The following TCF15 variants were observed in gnomAD, a reference collection of about 807,000 sequenced individuals.
The protein encoded by TCF15 is TCF-15.
In TCF15, 7 loss-of-function variants were observed where a neutral mutation model predicts 11.1. The ratio of observed to expected loss-of-function variants is 0.63; its 90% CI spans 0.36 to 1.19. TCF15 has a LOEUF of 1.19. Ranked by LOEUF, TCF15 falls within the 50% of genes most tolerant of loss-of-function variation. The probability of loss-of-function intolerance (pLI) is 0.02; values close to 1 mark genes in which losing one functional copy is unlikely to be tolerated. For synonymous variants in TCF15, 144 were observed against 138.9 expected (o/e 1.04, Z -0.26); for missense variants, 288 against 289.4 (o/e 1.00, Z 0.03).
rs1364944060 is a variant in TCF15 at position 610,279 on chromosome 20, G to T, written c.-42C>A. The T allele has an allele frequency of 4.0e-6, 4 of 987,776 alleles. No individual in the cohort carries two copies. The African/African-American group carries it at 5.3e-5, about 13-fold the overall frequency. The allele number at this position is 987,776 out of a possible 1,614,324, so 61.2% of individuals were successfully genotyped here. On this transcript the variant is annotated 5_prime_UTR_variant, in exon 1 of 2. Transcript: ENST00000246080. ...CCTCCGTGCGCCGCGTCCCAGCGTC[G>T]GCCGCGCCCCGCCGTGCGCTCCCGC...
rs900481923 is a variant in TCF15, at chr20:609,935, G to A, written c.303C>T (p.Thr101=). The change falls in exon 1 of 2, where the codon ACC becomes ACT. Residue 101 remains threonine, a synonymous_variant. Transcript: ENST00000246080. The surrounding 1 kb of genome is among the most constrained non-coding windows in gnomAD (Gnocchi z 4.7). ...AFTALRTLIP[T]EPVDRKLSKI... ...TGGACAGCTTGCGGTCCACCGGCTC[G>A]GTGGGGATGAGCGTGCGCAGCGCCG... 1.1e-5 allele frequency: 16 copies of A among 1,512,264 alleles called. No homozygotes were observed. The highest frequency in any genetic ancestry group is 1.4e-5 in the Non-Finnish European group (16 of 1,139,438). 93.7% of individuals were successfully genotyped at this position (1,512,264 alleles called of 1,614,324 possible).
At chr20:608,638 C>T (rs759134741) in intron 1 of TCF15, among the ~76,000 whole-genome samples, 13 of 152,190 alleles carry the variant, frequency 8.5e-5, no homozygotes, top group Non-Finnish European at 1.3e-4. Context: ...CAGAGGCCTC[C>T]GCAGAACAGG....
At position 609,991 on chromosome 20, in the gene TCF15, C is replaced by T; in HGVS notation, c.247G>A (p.Asp83Asn). Reference sequence around the variant, plus strand: ...GCCGTGTTCACGCTCTGAGTGCGGTCCCGCTCCCGCGCGTTGGCCGCCTGC... The same window carrying T: ...GCCGTGTTCACGCTCTGAGTGCGGTTCCGCTCCCGCGCGTTGGCCGCCTGC... ...QRQAANARER[D>N]RTQSVNTAFT... The change falls in exon 1 of 2, where the codon GAC (aspartate) becomes AAC (asparagine). Residue 83 changes from aspartate to asparagine, a missense_variant. Transcript: ENST00000246080. This position sits in a 1 kb window ranked among gnomAD's most constrained non-coding sequence, Gnocchi z 4.7. The T allele has an allele frequency of 7.3e-7, 1 of 1,369,346 alleles. No homozygotes were observed. The highest frequency in any genetic ancestry group is 9.4e-7 in the Non-Finnish European group (1 of 1,058,942). The allele number at this position is 1,369,346 out of a possible 1,614,324, so 84.8% of individuals were successfully genotyped here.
intron 1 of TCF15, among the ~76,000 whole-genome samples, chr20:606,481 G>A (rs180863891): frequency 2.8e-4 from 42 of 152,220 alleles, no homozygotes; most frequent in East Asian, 2.7e-3. Flanking sequence ...AGGTGCAGTC[G>A]AATGTGAATG....
rs1684400375 is a variant in TCF15 at position 610,216 on chromosome 20, G to A, written c.22C>T (p.Pro8Ser). 3.9e-6 allele frequency: 4 copies of A among 1,023,018 alleles called. No individual in the cohort carries two copies. The highest frequency in any genetic ancestry group is 3.5e-5 in the African/African-American group (2 of 57,380). The allele number at this position is 1,023,018 out of a possible 1,614,324, so 63.4% of individuals were successfully genotyped here. A position where few individuals can be genotyped will look rare whatever the true frequency, so the allele number is the denominator to read the frequency against. MAFALLR[P>S]VGAHVLYPDV... is the part of the protein sequence containing the mutation. ...GGGTACAGCACGTGCGCGCCGACGG[G>A]CCGCAGCAGCGCGAACGCCATGGGC... The change falls in exon 1 of 2, where the codon CCC becomes TCC. Residue 8 changes from proline to serine, a missense_variant. By Grantham distance (74) the Pro-to-Ser change is moderately conservative (BLOSUM62 -1). Transcript: ENST00000246080.
At chr20:608,681 C>G (rs752405384) in intron 1 of TCF15, among the ~76,000 whole-genome samples, 7 of 152,348 alleles carry the variant, frequency 4.6e-5, no homozygotes, top group Admixed American at 1.3e-4. Context: ...GCTGTGAGAA[C>G]CAAACAGCAG....
Position 609,072 on chromosome 20 carries a change from C to T in TCF15, c.525+641G>A, listed in dbSNP as rs1461509384. Among the ~76,000 whole-genome samples the T allele has an allele frequency of 1.3e-5, 2 of 152,128 alleles. No homozygotes were observed. The highest frequency in any genetic ancestry group is 2.9e-5 in the Non-Finnish European group (2 of 68,022). On this transcript the variant is annotated intron_variant, in intron 1 of 1. Coordinates refer to ENST00000246080, the MANE Select transcript of TCF15 (RefSeq NM_004609.4). The surrounding 1 kb of genome is among the most constrained non-coding windows in gnomAD (Gnocchi z 4.7). Reference sequence around the variant, plus strand: ...GGGGGCTGGGGACTCTCAGAGGGCCCCTTCTTCACTCCTACTGCTCATCCG... The same window carrying T: ...GGGGGCTGGGGACTCTCAGAGGGCCTCTTCTTCACTCCTACTGCTCATCCG...
rs1357126667 is a variant in TCF15, at chr20:609,875, G to A, written c.363C>T (p.Ile121=). The change falls in exon 1 of 2, where the codon ATC becomes ATT. Residue 121 remains isoleucine, a synonymous_variant. Coordinates refer to ENST00000246080, the MANE Select transcript of TCF15 (RefSeq NM_004609.4). This position sits in a 1 kb window ranked among gnomAD's most constrained non-coding sequence, Gnocchi z 4.7. ...GCAGCAGCACGTTGGCCAGGTGCGC[G>A]ATGTAGCTGGACGCCAGGCGCACGG... is the stretch of plus-strand genomic sequence containing the variant. ...IETVRLASSY[I]AHLANVLLLG... 4 of 1,526,838 alleles carry A rather than the reference G, an allele frequency of 2.6e-6. No individual in the cohort carries two copies. The highest frequency in any genetic ancestry group is 2.9e-5 in the African/African-American group (2 of 69,954). The allele number at this position is 1,526,838 out of a possible 1,614,324, so 94.6% of individuals were successfully genotyped here.
rs1422586617 is a variant in TCF15 at position 609,911 on chromosome 20, G to A, written c.327C>T (p.Ser109=). 3 of 1,526,004 alleles carry A rather than the reference G, an allele frequency of 2.0e-6. No homozygotes were observed. Among genetic ancestry groups the A allele is most frequent in the Non-Finnish European group, 2.6e-6 (3 of 1,146,852 alleles). The allele number at this position is 1,526,004 out of a possible 1,614,324, so 94.5% of individuals were successfully genotyped here. A position where few individuals can be genotyped will look rare whatever the true frequency, so the allele number is the denominator to read the frequency against. Reference sequence around the variant, plus strand: ...ACGCCAGGCGCACGGTCTCGATCTTGGACAGCTTGCGGTCCACCGGCTCGG... The same window carrying A: ...ACGCCAGGCGCACGGTCTCGATCTTAGACAGCTTGCGGTCCACCGGCTCGG... ...IPTEPVDRKL[S]KIETVRLASS... Residue 109 remains serine, a synonymous_variant, in exon 1 of 2, where the codon TCC becomes TCT. Coordinates refer to ENST00000246080, the MANE Select transcript of TCF15 (RefSeq NM_004609.4). This position sits in a 1 kb window ranked among gnomAD's most constrained non-coding sequence, Gnocchi z 4.7.
intron 1 of TCF15, among the ~76,000 whole-genome samples, chr20:606,646 G>A (rs548227285): frequency 5.9e-5 from 9 of 152,006 alleles, no homozygotes; most frequent in East Asian, 1.9e-4. Flanking sequence ...GCAAAACCCC[G>A]TCTCTACTAA....
At position 609,666 on chromosome 20, in the gene TCF15, CG is replaced by C; in HGVS notation, c.525+46del. 3 of 1,329,382 alleles carry C rather than the reference CG, an allele frequency of 2.3e-6. No individual in the cohort carries two copies. Among genetic ancestry groups the C allele is most frequent in the African/African-American group, 1.5e-5 (1 of 64,818 alleles). The allele number at this position is 1,329,382 out of a possible 1,614,324, so 82.3% of individuals were successfully genotyped here. A position where few individuals can be genotyped will look rare whatever the true frequency, so the allele number is the denominator to read the frequency against. Reference sequence around the variant, plus strand: ...CGGTTCCCGCAGAGGCGCTGCCCCCCGCCTACCCCGACCTGGCGGCCGCAGC... The same window carrying C: ...CGGTTCCCGCAGAGGCGCTGCCCCCCCCTACCCCGACCTGGCGGCCGCAGC... On this transcript the variant is annotated intron_variant, in intron 1 of 1. Transcript: ENST00000246080. This position sits in a 1 kb window ranked among gnomAD's most constrained non-coding sequence, Gnocchi z 4.7.
intron 1 of TCF15, among the ~76,000 whole-genome samples, chr20:606,835 A>C (rs1030471117): frequency 3.3e-5 from 5 of 151,302 alleles, no homozygotes; most frequent in Non-Finnish European, 7.4e-5. Context: ...AAAAAAAAAA[A>C]GTCCTGACAA....
At position 604,762 on chromosome 20, in the gene TCF15, A is replaced by C; in HGVS notation, c.526-97T>G. On this transcript the variant is annotated intron_variant, in intron 1 of 1. Transcript: ENST00000246080. This position sits in a 1 kb window ranked among gnomAD's most constrained non-coding sequence, Gnocchi z 4.2. ...CCCTCAAGAGGGATCCTGATCAATA[A>C]ATCACAGTTCAGCCACACGATCAAG... 3 of 964,148 alleles carry C rather than the reference A, an allele frequency of 3.1e-6. No homozygotes were observed. The highest frequency in any genetic ancestry group is 1.5e-6 in the Non-Finnish European group (1 of 655,160). The allele number at this position is 964,148 out of a possible 1,614,324, so 59.7% of individuals were successfully genotyped here.
intron 1 of TCF15, among the ~76,000 whole-genome samples, chr20:606,189 G>A (rs903362367): frequency 1.3e-5 from 2 of 152,224 alleles, no homozygotes; most frequent in Non-Finnish European, 2.9e-5. Flanking sequence ...CACAGTCCCA[G>A]CAGAGCCTGG....
Position 609,865 on chromosome 20 carries a change from C to A in TCF15, c.373G>T (p.Ala125Ser). ...RLASSYIAHLANVLLLGDSAD... is the reference protein window; with the variant it reads ...RLASSYIAHLSNVLLLGDSAD... Reference sequence around the variant, plus strand: ...GAGTCGCCCAGCAGCAGCACGTTGGCCAGGTGCGCGATGTAGCTGGACGCC... The same window carrying A: ...GAGTCGCCCAGCAGCAGCACGTTGGACAGGTGCGCGATGTAGCTGGACGCC... Residue 125 changes from alanine (A) to serine (S), a missense_variant, in exon 1 of 2, where the codon GCC becomes TCC. Ala to Ser is a moderately conservative substitution (Grantham distance 99). Coordinates refer to ENST00000246080, the MANE Select transcript of TCF15 (RefSeq NM_004609.4). This position sits in a 1 kb window ranked among gnomAD's most constrained non-coding sequence, Gnocchi z 4.7. The A allele has an allele frequency of 6.5e-7, 1 of 1,528,128 alleles. No individual in the cohort carries two copies. Among genetic ancestry groups the A allele is most frequent in the Non-Finnish European group, 8.7e-7 (1 of 1,148,376 alleles). The allele number at this position is 1,528,128 out of a possible 1,614,324, so 94.7% of individuals were successfully genotyped here.
chr20:607,159 C>G (rs2019982386), intron 1 of TCF15, among the ~76,000 whole-genome samples: 1 of 152,194 alleles, frequency 6.6e-6, no homozygotes, highest in Non-Finnish European at 1.5e-5. Flanking sequence ...CTCCTGGTCC[C>G]AGCTACCCTC....
chr20:609,612 T>C lies in TCF15; in HGVS notation c.525+101A>G. On this transcript the variant is annotated intron_variant, in intron 1 of 1. Transcript: ENST00000246080. This position sits in a 1 kb window ranked among gnomAD's most constrained non-coding sequence, Gnocchi z 4.7. ...GCACGAATTCCACGTCGCTTCCCCC[T>C]GGCCTCGTTGGGGACCCCTGCACCT... 2.4e-6 allele frequency: 3 copies of C among 1,267,174 alleles called. No individual in the cohort carries two copies. The highest frequency in any genetic ancestry group is 6.5e-5 in the East Asian group (2 of 30,654). 78.5% of individuals were successfully genotyped at this position (1,267,174 alleles called of 1,614,324 possible).
intron 1 of TCF15, among the ~76,000 whole-genome samples, chr20:607,186 G>GGA (rs1322725825): frequency 2.0e-5 from 3 of 152,154 alleles, no homozygotes; most frequent in Non-Finnish European, 4.4e-5. Flanking sequence ...TACCAACAGG[G>GGA]GAGAGCCTTA....
chr20:609,603 G>T lies in TCF15; in HGVS notation c.525+110C>A. The stretch of plus-strand genomic sequence containing the variant: ...CCGCACCCAGCACGAATTCCACGTC[G>T]CTTCCCCCTGGCCTCGTTGGGGACC... On this transcript the variant is annotated intron_variant, in intron 1 of 1. Coordinates refer to ENST00000246080, the MANE Select transcript of TCF15 (RefSeq NM_004609.4). The surrounding 1 kb of genome is among the most constrained non-coding windows in gnomAD (Gnocchi z 4.7). 8.1e-7 allele frequency: 1 copy of T among 1,228,528 alleles called. No individual in the cohort carries two copies. Among genetic ancestry groups the T allele is most frequent in the East Asian group, 3.3e-5 (1 of 30,370 alleles). 76.1% of individuals were successfully genotyped at this position (1,228,528 alleles called of 1,614,324 possible). A position where few individuals can be genotyped will look rare whatever the true frequency, so the allele number is the denominator to read the frequency against.
Sources: allele counts gnomAD v4.1 joint callset (sites outside exome capture counted in the v4.1 genomes callset), GRCh38; gene constraint gnomAD v4.1.1; non-coding constraint Gnocchi (gnomAD v3.1); transcripts MANE v1.5; gene names NCBI Gene and HGNC (gene_info 2026-07-23, HGNC 2026-07-21).